The following DPCD variants were observed in gnomAD, a reference collection of about 807,000 sequenced individuals.
The protein encoded by DPCD is deleted in primary ciliary dyskinesia homolog (mouse).
A neutral mutation model predicts 26.4 loss-of-function variants in DPCD; 20 were observed. The observed-to-expected ratio is 0.76, with a 90% confidence interval of 0.53 to 1.10. The LOEUF is 1.10. Among genes scored for constraint, DPCD ranks in the 50% least tolerant of loss-of-function variants. DPCD has a pLI of 0.00. For synonymous variants in DPCD, 97 were observed against 94.2 expected, an observed-to-expected ratio of 1.03 and a Z score of -0.17; for missense variants, 202 against 253.9, an observed-to-expected ratio of 0.80 and a Z score of 1.39.
intron 4 of DPCD, among the ~76,000 whole-genome samples, chr10:101,607,196 TC>T (rs1212060605): frequency 1.3e-5 from 2 of 152,196 alleles, no homozygotes; most frequent in East Asian, 3.8e-4. Flanking sequence ...TGTTAACACT[TC>T]CTAACAAGTC....
At chr10:101,607,682 T>C (rs2134783578) in intron 4 of DPCD, among the ~76,000 whole-genome samples, 1 of 152,220 alleles carries the variant, frequency 6.6e-6, no homozygotes, top group South Asian at 2.1e-4. Context: ...ACCAGGCCCC[T>C]CTGAAGTACT....
At chr10:101,598,611 CTTTTTTTTTTTTTTTTTTT>C (rs71016333) in intron 2 of DPCD, among the ~76,000 whole-genome samples, 1 of 74,952 alleles carries the variant, frequency 1.3e-5, no homozygotes, top group African/African-American at 5.3e-5. Flanking sequence ...TAGATGCTTT[CTTTTTTTTTTTTTTTTTTT>C]TTTTTTTTTT....
intron 2 of DPCD, among the ~76,000 whole-genome samples, chr10:101,599,725 T>A (rs1047435402): frequency 6.6e-6 from 1 of 152,286 alleles, no homozygotes; most frequent in East Asian, 1.9e-4. Flanking sequence ...CAGAAACAAC[T>A]GTAACTGAGT....
intron 1 of DPCD, among the ~76,000 whole-genome samples, chr10:101,592,192 G>A (rs752504702): frequency 6.6e-6 from 1 of 152,158 alleles, no homozygotes; most frequent in Non-Finnish European, 1.5e-5. Flanking sequence ...TTCTAAGGCA[G>A]TAACCACAAA....
intron 1 of DPCD, among the ~76,000 whole-genome samples, chr10:101,591,084 A>G (rs1005993341): frequency 2.0e-5 from 3 of 152,222 alleles, no homozygotes; most frequent in African/African-American, 7.2e-5. Flanking sequence ...GAGATAGAGC[A>G]AGGACCAAGG....
chr10:101,605,270 TC>T, intron 4 of DPCD: 1 of 1,542,512 alleles, frequency 6.5e-7, no homozygotes, highest in Admixed American at 2.0e-5. Flanking sequence ...GCCTTCAGCC[TC>T]CAGAGTCTCT....
rs181490254 is a variant in DPCD, at chr10:101,607,721, C to T, written c.405-1114C>T. Among the ~76,000 whole-genome samples the T allele has an allele frequency of 3.4e-3, 518 of 150,608 alleles. 1 individual carries two copies. The highest frequency in any genetic ancestry group is 0.014 in the Middle Eastern group (4 of 294). On this transcript the variant is annotated intron_variant, in intron 4 of 5. Transcript: ENST00000370151. ...AGCCCCATCCTCCCCAGGCCTCTCA[C>T]TTGAGTTTGTTTGTACCTGCCTGAG...
At chr10:101,588,770 G>C in intron 1 of DPCD, 1 of 782,920 alleles carries the variant, frequency 1.3e-6, no homozygotes, top group Middle Eastern at 6.7e-4. Context: ...AGAGGAGAGA[G>C]GCCTGGGCTC....
At chr10:101,590,003 A>G (rs1212944315) in intron 1 of DPCD, among the ~76,000 whole-genome samples, 2 of 150,796 alleles carry the variant, frequency 1.3e-5, no homozygotes, top group African/African-American at 4.9e-5. Context: ...CAGTGAGCCG[A>G]GATCATGCCA....
intron 4 of DPCD, among the ~76,000 whole-genome samples, chr10:101,608,600 G>T (rs989254560): frequency 9.2e-5 from 14 of 152,208 alleles, no homozygotes; most frequent in African/African-American, 3.1e-4. Flanking sequence ...TCTAATCACA[G>T]AATTATAACT....
intron 2 of DPCD, among the ~76,000 whole-genome samples, chr10:101,598,225 C>T (rs1008238952): frequency 2.0e-5 from 3 of 151,704 alleles, no homozygotes; most frequent in Non-Finnish European, 4.4e-5. Context: ...TTAGCAAGGC[C>T]CATGACTTAC....
chr10:101,588,364 C>A lies in DPCD; in HGVS notation c.28C>A (p.Leu10Met). The A allele has an allele frequency of 6.3e-7, 1 of 1,599,302 alleles. No homozygotes were observed. The highest frequency in any genetic ancestry group is 8.5e-7 in the Non-Finnish European group (1 of 1,171,014). The change falls in exon 1 of 6, where the codon CTG becomes ATG. Residue 10 changes from leucine (L) to methionine (M), a missense_variant. Around this residue, in one of 3 missense-constraint regions of DPCD, gnomAD observed 47 missense variants for 32.8 expected, o/e 1.43. Coordinates refer to ENST00000370151, the MANE Select transcript of DPCD (RefSeq NM_015448.3). MAVTGWLES[L>M]RTAQKTALLQ... ...GGCGGTGACGGGCTGGTTGGAGAGT[C>A]TGCGGACAGCCCAGAAGACTGCGCT...
intron 4 of DPCD, 107 bp downstream of exon 4, chr10:101,601,443 G>C (rs2063698104): frequency 1.1e-6 from 1 of 952,196 alleles, no homozygotes; most frequent in South Asian, 1.8e-5. Flanking sequence ...CAGAGAGGAA[G>C]CCCTTCTGCT....
chr10:101,597,856 C>T (rs534970676), intron 2 of DPCD, among the ~76,000 whole-genome samples: 1 of 152,252 alleles, frequency 6.6e-6, no homozygotes, highest in African/African-American at 2.4e-5. Context: ...GTGTTCACAC[C>T]CATGCACTTG....
At chr10:101,601,383 G>A (rs975636031) in intron 4 of DPCD, 47 bp downstream of exon 4, 11 of 1,600,662 alleles carry the variant, frequency 6.9e-6, no homozygotes, top group Non-Finnish European at 1.7e-6. Flanking sequence ...TGAGCGGGGT[G>A]TAGGGTGGGG....
chr10:101,600,958 C>A lies in DPCD; in HGVS notation c.270+96C>A. ...GGCAGGGACCATGTCTTGTTCACCT[C>A]CTCGCCTCCAGTGTGCCACCTGGAC... On this transcript the variant is annotated intron_variant, in intron 3 of 5. Transcript: ENST00000370151. The surrounding 1 kb of genome is among the most constrained non-coding windows in gnomAD (Gnocchi z 4.7). 6.3e-7 allele frequency: 1 copy of A among 1,576,670 alleles called. No individual in the cohort carries two copies. Among genetic ancestry groups the A allele is most frequent in the East Asian group, 2.3e-5 (1 of 44,312 alleles).
chr10:101,591,428 C>T (rs968247796), intron 1 of DPCD, among the ~76,000 whole-genome samples: 1 of 152,090 alleles, frequency 6.6e-6, no homozygotes, highest in Non-Finnish European at 1.5e-5. Context: ...ACCCTATCCC[C>T]AGACTGAAAA....
chr10:101,593,009 T>TAAAAAAAAAAAAC (rs1554920603), intron 1 of DPCD, among the ~76,000 whole-genome samples: 15 of 147,222 alleles, frequency 1.0e-4, no homozygotes, highest in Non-Finnish European at 1.9e-4. Flanking sequence ...CGAGACTCTG[T>TAAAAAAAAAAAAC]CAAAAAAAAA....
Position 101,605,252 on chromosome 10 carries a change from C to T in DPCD, c.405-3583C>T, listed in dbSNP as rs1182995908. On this transcript the variant is annotated intron_variant, in intron 4 of 5. Coordinates refer to ENST00000370151, the MANE Select transcript of DPCD (RefSeq NM_015448.3). ...ACCCAAGTGATTGTCCACAGCAGCC[C>T]TGCTCCTGCCTTCAGCCTCCAGAGT... 4 of 1,546,716 alleles carry T rather than the reference C, an allele frequency of 2.6e-6. No individual in the cohort carries two copies. The Admixed American group carries it at 5.9e-5, about 23-fold the overall frequency.
Sources: allele counts gnomAD v4.1 joint callset (sites outside exome capture counted in the v4.1 genomes callset), GRCh38; gene constraint gnomAD v4.1.1; regional missense constraint gnomAD v4.1.1; non-coding constraint Gnocchi (gnomAD v3.1); transcripts MANE v1.5; gene names NCBI Gene and HGNC (gene_info 2026-07-23, HGNC 2026-07-21).